The following EPS8 variants were observed in gnomAD, a reference collection of about 807,000 sequenced individuals.
EPS8 encodes EGFR pathway substrate 8, signaling adaptor.
Under a neutral mutation model 103.8 loss-of-function variants are expected in EPS8, and 42 were observed. The ratio of observed to expected loss-of-function variants is 0.40; its 90% CI spans 0.32 to 0.52. The LOEUF is 0.52. Among genes scored for constraint, EPS8 ranks in the 20% least tolerant of loss-of-function variants. The probability of loss-of-function intolerance (pLI) is 0.40; values close to 1 mark genes in which losing one functional copy is unlikely to be tolerated. For synonymous variants in EPS8, 344 were observed against 344.6 expected (o/e 1.00, Z 0.02); for missense variants, 969 against 1,005.1 (o/e 0.96, Z 0.49).
chr12:15,746,210 G>A (rs1946873865), intron 1 of EPS8, among the ~76,000 whole-genome samples: 1 of 152,168 alleles, frequency 6.6e-6, no homozygotes. Flanking sequence ...GTAGCACTGT[G>A]TGAAAGGATT....
intron 3 of EPS8, among the ~76,000 whole-genome samples, chr12:15,674,932 C>T (rs1036586049): frequency 2.6e-5 from 4 of 152,182 alleles, no homozygotes; most frequent in African/African-American, 4.8e-5. Context: ...CAGGTTTTAA[C>T]TCTTAAGTAC....
chr12:15,767,544 AAAG>A lies in EPS8; in HGVS notation c.-22+21614_-22+21616del, dbSNP rs745607197. On this transcript the variant is annotated intron_variant, in intron 1 of 20. Transcript: ENST00000281172. This position sits in a 1 kb window ranked among gnomAD's most constrained non-coding sequence, Gnocchi z 5.5. ...CAGTATCAGGTCAGTCTTAGGCCAT[AAAG>A]AAGTACTTTATTATCCTCATTGTTA... is the stretch of plus-strand genomic sequence containing the variant. Among the ~76,000 whole-genome samples, 28 of 152,240 alleles carry A rather than the reference AAAG, an allele frequency of 1.8e-4. No individual in the cohort carries two copies. Among genetic ancestry groups the A allele is most frequent in the Non-Finnish European group, 3.2e-4 (22 of 68,036 alleles).
chr12:15,639,776 A>G (rs76292957), intron 17 of EPS8, among the ~76,000 whole-genome samples: 2,597 of 152,306 alleles, frequency 0.017, 77 homozygotes, highest in African/African-American at 0.059. Context: ...TTTTAAGCCT[A>G]GATCTGGCAT....
chr12:15,676,326 T>C (rs998493298), intron 3 of EPS8, among the ~76,000 whole-genome samples: 1 of 149,260 alleles, frequency 6.7e-6, no homozygotes, highest in Non-Finnish European at 1.5e-5. Context: ...ACTAAGAACA[T>C]TTTTTATCTA....
At position 15,736,146 on chromosome 12, in the gene EPS8, T is replaced by C. The variant is rs1263666323; in HGVS notation, c.-22+53015A>G. ...AAGCAATCCTCCTGCCTCAGCCTGC[T>C]AAAGTGCTGGAATTACAATCATGAG... On this transcript the variant is annotated intron_variant, in intron 1 of 20. Coordinates refer to ENST00000281172, the MANE Select transcript of EPS8 (RefSeq NM_004447.6). This position sits in a 1 kb window ranked among gnomAD's most constrained non-coding sequence, Gnocchi z 4.2. 6.6e-6 allele frequency among the ~76,000 whole-genome samples: 1 copy of C among 152,168 alleles called. No homozygotes were observed. The highest frequency in any genetic ancestry group is 1.5e-5 in the Non-Finnish European group (1 of 68,018).
At chr12:15,742,391 T>G (rs1050243206) in intron 1 of EPS8, among the ~76,000 whole-genome samples, 3 of 152,240 alleles carry the variant, frequency 2.0e-5, no homozygotes, top group Non-Finnish European at 2.9e-5. Context: ...TCCTGACTTT[T>G]TAATGATTGC....
intron 1 of EPS8, among the ~76,000 whole-genome samples, chr12:15,724,675 T>C (rs1467178252): frequency 1.3e-5 from 2 of 152,200 alleles, no homozygotes; most frequent in South Asian, 4.1e-4. Context: ...CACAAGGCAG[T>C]GTCCTCCATA....
intron 1 of EPS8, chr12:15,732,702 A>G: frequency 1.2e-6 from 1 of 851,264 alleles, no homozygotes; most frequent in Non-Finnish European, 1.4e-6. Flanking sequence ...ACATTTCTTA[A>G]AGATGAAAAA....
chr12:15,649,914 G>C (rs1312133561), intron 14 of EPS8, among the ~76,000 whole-genome samples: 3 of 152,022 alleles, frequency 2.0e-5, no homozygotes, highest in African/African-American at 7.2e-5. Context: ...AAAATAATAG[G>C]ATTTCGGGAA....
chr12:15,671,314 A>G (rs1945813470), intron 3 of EPS8, among the ~76,000 whole-genome samples: 2 of 152,130 alleles, frequency 1.3e-5, no homozygotes, highest in Non-Finnish European at 1.5e-5. Flanking sequence ...AATTGCAAAT[A>G]TTGTCATAGA....
At chr12:15,652,281 G>A (rs1052374933) in intron 13 of EPS8, among the ~76,000 whole-genome samples, 1 of 152,136 alleles carries the variant, frequency 6.6e-6, no homozygotes, top group Admixed American at 6.6e-5. Flanking sequence ...ACTAGTGGCT[G>A]ACAAGGATGA....
At chr12:15,635,043 G>A (rs1320125021) in intron 17 of EPS8, among the ~76,000 whole-genome samples, 1 of 152,074 alleles carries the variant, frequency 6.6e-6, no homozygotes, top group Non-Finnish European at 1.5e-5. Context: ...AAAATACTAA[G>A]ATATAGGTTT....
rs1946589799 is a variant in EPS8, at chr12:15,721,080, G to A, written c.-21-38108C>T. Among the ~76,000 whole-genome samples, 1 of 152,142 alleles carries A rather than the reference G, an allele frequency of 6.6e-6. No homozygotes were observed. Among genetic ancestry groups the A allele is most frequent in the African/African-American group, 2.4e-5 (1 of 41,426 alleles). On this transcript the variant is annotated intron_variant, in intron 1 of 20. Coordinates refer to ENST00000281172, the MANE Select transcript of EPS8 (RefSeq NM_004447.6). This position sits in a 1 kb window ranked among gnomAD's most constrained non-coding sequence, Gnocchi z 4.4. ...TTCTTGAGGGCAAGGGCCAGCCTTTGTTTACCACTGTATCCCCAGCACTTA... is the reference window on the plus strand; with the variant it reads ...TTCTTGAGGGCAAGGGCCAGCCTTTATTTACCACTGTATCCCCAGCACTTA...
chr12:15,731,443 G>T lies in EPS8; in HGVS notation c.-21-48471C>A, dbSNP rs111831436. 1.3e-5 allele frequency among the ~76,000 whole-genome samples: 2 copies of T among 152,092 alleles called. No homozygotes were observed. Among genetic ancestry groups the T allele is most frequent in the Admixed American group, 6.6e-5 (1 of 15,262 alleles). Reference sequence around the variant, plus strand: ...ATTCCCAAAAGCTGGGATTACAGGTGCCTGCCACCACGCCTGGCTAATTTT... The same window carrying T: ...ATTCCCAAAAGCTGGGATTACAGGTTCCTGCCACCACGCCTGGCTAATTTT... On this transcript the variant is annotated intron_variant, in intron 1 of 20. Transcript: ENST00000281172. The surrounding 1 kb of genome is among the most constrained non-coding windows in gnomAD (Gnocchi z 5.1).
At chr12:15,758,328 A>G (rs1178230607) in intron 1 of EPS8, among the ~76,000 whole-genome samples, 5 of 152,200 alleles carry the variant, frequency 3.3e-5, no homozygotes, top group African/African-American at 1.2e-4. Context: ...GAAACAAGAC[A>G]AATCTATAAC....
At chr12:15,711,080 ATTTT>A (rs1275780389) in intron 1 of EPS8, among the ~76,000 whole-genome samples, 12 of 129,346 alleles carry the variant, frequency 9.3e-5, no homozygotes, top group Middle Eastern at 3.9e-3. Flanking sequence ...TTATTTATTT[ATTTT>A]GGTAGAGACA....
chr12:15,627,044 T>C (rs1364860981), intron 18 of EPS8, among the ~76,000 whole-genome samples: 1 of 152,030 alleles, frequency 6.6e-6, no homozygotes, highest in Non-Finnish European at 1.5e-5. Context: ...TCTGTTGCCA[T>C]ACTGGAGTGC....
At chr12:15,726,011 A>C (rs761239026) in intron 1 of EPS8, among the ~76,000 whole-genome samples, 17 of 152,224 alleles carry the variant, frequency 1.1e-4, no homozygotes, top group Non-Finnish European at 1.5e-4. Flanking sequence ...AAAAAATCAT[A>C]CTTAAATATA....
At chr12:15,676,259 CAAAAAAAAAAAAAA>C (rs888576581) in intron 3 of EPS8, among the ~76,000 whole-genome samples, 180 of 16,336 alleles carry the variant, frequency 0.011, no homozygotes, top group African/African-American at 0.034. Flanking sequence ...GACTCCATCT[CAAAAAAAAAAAAAA>C]AAAAAAAAAA....
Sources: gnomAD v4.1 joint callset for allele counts (sites outside exome capture counted in the v4.1 genomes callset) on GRCh38, gnomAD v4.1.1 for gene constraint, Gnocchi (gnomAD v3.1) non-coding constraint, MANE v1.5 for transcripts, NCBI Gene and HGNC (gene_info 2026-07-23, HGNC 2026-07-21) for gene names.